CDC20B: variants seen among roughly 807,000 people sequenced by gnomAD.
CDC20B encodes the protein cell division cycle protein 20 homolog B.
Under a neutral mutation model 64.1 loss-of-function variants are expected in CDC20B, and 58 were observed. The observed-to-expected ratio is 0.90, with a 90% CI of 0.73 to 1.13. The LOEUF is 1.13. Ranked by LOEUF, CDC20B falls within the 50% of genes most tolerant of loss-of-function variation. The probability of loss-of-function intolerance (pLI) is 0.00; values close to 1 mark genes in which losing one functional copy is unlikely to be tolerated. For missense variants in CDC20B, 597 were observed against 633.0 expected (o/e 0.94, Z 0.61); for synonymous variants, 243 against 230.6 (o/e 1.05, Z -0.49).
intron 2 of CDC20B, among the ~76,000 whole-genome samples, chr5:55,170,082 C>T (rs1259113527): frequency 6.6e-6 from 1 of 151,790 alleles, no homozygotes; most frequent in Non-Finnish European, 1.5e-5. Flanking sequence ...CCACTGTACT[C>T]CAGCCTGGGC....
intron 4 of CDC20B, among the ~76,000 whole-genome samples, chr5:55,143,015 A>G (rs1252707366): frequency 6.6e-6 from 1 of 152,218 alleles, no homozygotes; most frequent in Non-Finnish European, 1.5e-5. Context: ...TATAATAAAT[A>G]AAAGATACCT....
chr5:55,140,294 A>C lies in CDC20B; in HGVS notation c.580+20T>G. 1 of 1,507,910 alleles carries C rather than the reference A, an allele frequency of 6.6e-7. No individual in the cohort carries two copies. 93.4% of individuals were successfully genotyped at this position (1,507,910 alleles called of 1,614,324 possible). On this transcript the variant is annotated intron_variant, in intron 5 of 11. Transcript: ENST00000381375. ...AGAGAGAGGAGCGCAGGAAAGAAGG[A>C]CAATGTCTTGATCCTGTACCTTTCC...
chr5:55,130,448 G>A (rs1224632968), intron 6 of CDC20B, among the ~76,000 whole-genome samples: 3 of 152,118 alleles, frequency 2.0e-5, no homozygotes, highest in Admixed American at 6.5e-5. Flanking sequence ...ATAACAAGGT[G>A]ACCATGGGGT....
chr5:55,152,688 T>TA (rs1743700164), intron 2 of CDC20B, among the ~76,000 whole-genome samples: 1 of 152,194 alleles, frequency 6.6e-6, no homozygotes, highest in African/African-American at 2.4e-5. Context: ...CAATCTAGTC[T>TA]AATCCCTATG....
intron 6 of CDC20B, 76 bp from the exon 7 acceptor site, chr5:55,128,693 TA>T (rs1488073304): frequency 1.1e-5 from 12 of 1,104,618 alleles, no homozygotes; most frequent in African/African-American, 1.6e-5. Context: ...ACTTTATAGG[TA>T]GGGGGAAAAG....
At position 55,162,514 on chromosome 5, in the gene CDC20B, G is replaced by T. The variant is rs182782996; in HGVS notation, c.126+10074C>A. 8.5e-5 allele frequency among the ~76,000 whole-genome samples: 13 copies of T among 152,268 alleles called. No homozygotes were observed. In the East Asian group the frequency reaches 1.4e-3, roughly 16 times the overall value. ...TTGATCAAACTATTACCTCACTCAGGCAATCAAGCTTCTAATCCAACAAAC... is the reference window on the plus strand; with the variant it reads ...TTGATCAAACTATTACCTCACTCAGTCAATCAAGCTTCTAATCCAACAAAC... On this transcript the variant is annotated intron_variant, in intron 2 of 11. Coordinates refer to ENST00000381375, the MANE Select transcript of CDC20B (RefSeq NM_001170402.1).
rs939538097 is a variant in CDC20B, at chr5:55,161,892, T to C, written c.126+10696A>G. ...GACAGCATAGGCTTTGGCCTCAAGC[T>C]ACCTGGGTTCAAACCCCTGCTCTTT... On this transcript the variant is annotated intron_variant, in intron 2 of 11. Transcript: ENST00000381375. Among the ~76,000 whole-genome samples, 7 of 152,168 alleles carry C rather than the reference T, an allele frequency of 4.6e-5. No individual in the cohort carries two copies. In the East Asian group the frequency reaches 1.3e-3, roughly 29 times the overall value.
intron 2 of CDC20B, among the ~76,000 whole-genome samples, chr5:55,155,904 T>C (rs941637003): frequency 6.6e-6 from 1 of 152,210 alleles, no homozygotes; most frequent in African/African-American, 2.4e-5. Context: ...GCCTTCCCCT[T>C]TCTGGGCGCT....
chr5:55,140,769 T>A (rs1397500275), intron 4 of CDC20B, among the ~76,000 whole-genome samples: 1 of 152,130 alleles, frequency 6.6e-6, no homozygotes, highest in Admixed American at 6.5e-5. Flanking sequence ...CATCTTAAGG[T>A]CCTTTTTTGT....
At chr5:55,150,505 A>G (rs925903165) in intron 2 of CDC20B, among the ~76,000 whole-genome samples, 5 of 152,194 alleles carry the variant, frequency 3.3e-5, no homozygotes, top group African/African-American at 1.2e-4. Flanking sequence ...ACCAAAGAGA[A>G]CTTCTTTCGC....
At chr5:55,166,188 C>A (rs888372176) in intron 2 of CDC20B, 1 of 152,340 alleles carries the variant, frequency 6.6e-6, no homozygotes, top group Non-Finnish European at 1.5e-5. Context: ...CATATGCCAG[C>A]ACCACATGGG....
intron 2 of CDC20B, among the ~76,000 whole-genome samples, chr5:55,152,966 C>T (rs1046401363): frequency 1.3e-5 from 2 of 152,080 alleles, no homozygotes; most frequent in Admixed American, 6.5e-5. Flanking sequence ...AGGGCAGGCA[C>T]GGTGGCTCAC....
chr5:55,156,160 A>G (rs1396480712), intron 2 of CDC20B, among the ~76,000 whole-genome samples: 1 of 152,192 alleles, frequency 6.6e-6, no homozygotes, highest in African/African-American at 2.4e-5. Context: ...TCCCATTTAT[A>G]AAACCATCAG....
At chr5:55,148,615 T>C (rs1216257312) in intron 2 of CDC20B, among the ~76,000 whole-genome samples, 1 of 152,152 alleles carries the variant, frequency 6.6e-6, no homozygotes, top group Admixed American at 6.5e-5. Flanking sequence ...TTGATGGGGC[T>C]GAGGCAGGAG....
At chr5:55,139,305 C>T (rs945984709) in intron 5 of CDC20B, among the ~76,000 whole-genome samples, 6 of 152,078 alleles carry the variant, frequency 3.9e-5, no homozygotes, top group African/African-American at 1.2e-4. Flanking sequence ...TTCAGACCAG[C>T]AAACCCAGAA....
At chr5:55,161,115 A>G (rs1744030066) in intron 2 of CDC20B, 2 of 1,613,970 alleles carry the variant, frequency 1.2e-6, no homozygotes, top group African/African-American at 2.7e-5. Context: ...TTTCCCTGCA[A>G]TCAGTTTGGA....
rs1744633308 is a variant in CDC20B, at chr5:55,172,460, G to A, written c.126+128C>T. 10 of 713,136 alleles carry A rather than the reference G, an allele frequency of 1.4e-5. No homozygotes were observed. The South Asian group carries it at 1.7e-4, about 12-fold the overall frequency. The allele number at this position is 713,136 out of a possible 1,614,324, so 44.2% of individuals were successfully genotyped here. A position where few individuals can be genotyped will look rare whatever the true frequency, so the allele number is the denominator to read the frequency against. On this transcript the variant is annotated intron_variant, in intron 2 of 11. Coordinates refer to ENST00000381375, the MANE Select transcript of CDC20B (RefSeq NM_001170402.1). ...TTCATAAAGAAATTTTTTTTAGTAT[G>A]TAATAAGATACTAAAATTCTCATAT...
intron 4 of CDC20B, among the ~76,000 whole-genome samples, chr5:55,142,601 T>G (rs1173872653): frequency 6.6e-6 from 1 of 152,044 alleles, no homozygotes; most frequent in Non-Finnish European, 1.5e-5. Context: ...CACAGGAGTG[T>G]CAATAATCTG....
At chr5:55,131,740 TG>T in intron 6 of CDC20B, among the ~76,000 whole-genome samples, 1 of 152,316 alleles carries the variant, frequency 6.6e-6, no homozygotes, top group East Asian at 1.9e-4. Context: ...AAAGATCTTT[TG>T]AAAGTTGTAC....
Sources: gnomAD v4.1 joint callset for allele counts (sites outside exome capture counted in the v4.1 genomes callset) on GRCh38, gnomAD v4.1.1 for gene constraint, MANE v1.5 for transcripts, NCBI Gene and HGNC (gene_info 2026-07-23, HGNC 2026-07-21) for gene names.